The following AATK variants were observed in gnomAD, a reference collection of about 807,000 sequenced individuals.
AATK encodes lemur tail kinase 1.
Under a neutral mutation model 114.3 loss-of-function variants are expected in AATK, and 91 were observed. The observed-to-expected ratio is 0.80, with a 90% CI of 0.67 to 0.95. The LOEUF is 0.95. Ranked by LOEUF, AATK falls within the 40% of genes least tolerant of loss-of-function variation. The pLI is 0.00. For synonymous variants in AATK, 1,075 were observed against 916.5 expected, an observed-to-expected ratio of 1.17 and a Z score of -3.12; for missense variants, 2,176 against 1,965.2, an observed-to-expected ratio of 1.11 and a Z score of -2.03.
At chr17:81,143,180 GC>G (rs1482670069) in intron 1 of AATK, among the ~76,000 whole-genome samples, 1 of 151,998 alleles carries the variant, frequency 6.6e-6, no homozygotes, top group Non-Finnish European at 1.5e-5. Context: ...CAAGCCCTTG[GC>G]CACACCTGGC....
intron 1 of AATK, among the ~76,000 whole-genome samples, chr17:81,162,119 C>T (rs1395616096): frequency 6.6e-6 from 1 of 152,086 alleles, no homozygotes; most frequent in Non-Finnish European, 1.5e-5. Context: ...CCCGAGTGCC[C>T]GCACCCATGC....
chr17:81,141,476 C>T (rs2061137525), intron 1 of AATK, among the ~76,000 whole-genome samples: 1 of 152,198 alleles, frequency 6.6e-6, no homozygotes, highest in Admixed American at 6.5e-5. Context: ...AAGTGACTTT[C>T]AATTTCTGAC....
intron 7 of AATK, chr17:81,125,752 C>T: frequency 7.9e-6 from 3 of 378,072 alleles, no homozygotes; most frequent in South Asian, 5.9e-5. Context: ...CCACATAAAA[C>T]CCATGTCTGC....
chr17:81,165,632 A>G (rs769512849), intron 1 of AATK: 3 of 1,464,016 alleles, frequency 2.0e-6, no homozygotes, highest in Non-Finnish European at 2.7e-6. Context: ...GTCTGAGACC[A>G]ACTCTCCTGG....
chr17:81,130,126 T>C (rs2060907030), intron 3 of AATK, among the ~76,000 whole-genome samples: 1 of 152,144 alleles, frequency 6.6e-6, no homozygotes, highest in African/African-American at 2.4e-5. Flanking sequence ...GCAGGTGAGG[T>C]GGCCTGCATG....
chr17:81,132,702 AG>A, intron 2 of AATK: 1 of 325,286 alleles, frequency 3.1e-6, no homozygotes. Context: ...GCGTGCAATC[AG>A]GTAGCACAGG....
intron 8 of AATK, 28 bp from the exon 9 acceptor site, chr17:81,124,876 G>A (rs771723044): frequency 3.8e-6 from 6 of 1,581,474 alleles, no homozygotes; most frequent in Non-Finnish European, 5.2e-6. Flanking sequence ...GGTCACCCCT[G>A]CCGGCGCAGG....
intron 1 of AATK, among the ~76,000 whole-genome samples, chr17:81,137,232 TG>T (rs1226539587): frequency 1.3e-5 from 2 of 148,540 alleles, no homozygotes; most frequent in African/African-American, 5.0e-5. Flanking sequence ...CACTCCAGCC[TG>T]GGTGACAGAG....
chr17:81,158,732 C>T (rs868234560), intron 1 of AATK, among the ~76,000 whole-genome samples: 11 of 152,344 alleles, frequency 7.2e-5, no homozygotes, highest in South Asian at 2.1e-4. Flanking sequence ...TGACATCTTT[C>T]GCCACAGAAA....
rs1233171664 is a variant in AATK, at chr17:81,122,157, G to C, written c.1779C>G (p.His593Gln). The C allele has an allele frequency of 1.3e-6, 2 of 1,520,146 alleles. No homozygotes were observed. Among genetic ancestry groups the C allele is most frequent in the South Asian group, 1.2e-5 (1 of 83,298 alleles). 94.2% of individuals were successfully genotyped at this position (1,520,146 alleles called of 1,614,324 possible). ...PVDVPWGRGDHYPRRSLARDP... is the reference protein window; with the variant it reads ...PVDVPWGRGDQYPRRSLARDP... Reference sequence around the variant, plus strand: ...CCCGCGCCAAGCTTCTGCGAGGGTAGTGGTCGCCGCGGCCCCAGGGGACGT... The same window carrying C: ...CCCGCGCCAAGCTTCTGCGAGGGTACTGGTCGCCGCGGCCCCAGGGGACGT... Residue 593 changes from histidine (H) to glutamine (Q), a missense_variant, in exon 11 of 14, where the codon CAC (histidine) becomes CAG (glutamine). His to Gln is a conservative substitution (Grantham distance 24, BLOSUM62 0). Coordinates refer to ENST00000326724, the MANE Select transcript of AATK (RefSeq NM_001080395.3).
At chr17:81,145,562 G>C (rs528437501) in intron 1 of AATK, among the ~76,000 whole-genome samples, 1 of 151,612 alleles carries the variant, frequency 6.6e-6, no homozygotes, top group African/African-American at 2.4e-5. Context: ...ATGAAACCCC[G>C]TCTCTACTAA....
At chr17:81,134,596 G>C in intron 1 of AATK, 95 bp from the exon 2 acceptor site, 3 of 1,469,868 alleles carry the variant, frequency 2.0e-6, no homozygotes, top group Non-Finnish European at 2.8e-6. Context: ...TGGACTTGCT[G>C]CATTCCAGGC....
At position 81,124,941 on chromosome 17, in the gene AATK, A is replaced by G; in HGVS notation, c.829T>C (p.Cys277Arg). 1 of 1,569,120 alleles carries G rather than the reference A, an allele frequency of 6.4e-7. No individual in the cohort carries two copies. The highest frequency in any genetic ancestry group is 1.2e-5 in the South Asian group (1 of 85,000). ...VKIGDYGLAH[C>R]KYREDYFVTA... ...CCCACCCCACTCACTCTGTACTTGCAGTGAGCCAGGCCATAGTCACCAATC... is the reference window on the plus strand; with the variant it reads ...CCCACCCCACTCACTCTGTACTTGCGGTGAGCCAGGCCATAGTCACCAATC... Residue 277 changes from cysteine to arginine, a missense_variant, in exon 8 of 14, where the codon TGC (cysteine) becomes CGC (arginine). By Grantham distance (180) the Cys-to-Arg change is radical. Transcript: ENST00000326724.
rs1235653300 is a variant in AATK at position 81,127,830 on chromosome 17, C to T, written c.495G>A (p.Gln165=). Reference sequence around the variant, plus strand: ...CCTCCTCCAGGAACTGCATCTGCTCCTGCACGCTGGCACTAGCCTGCAGCT... The same window carrying T: ...CCTCCTCCAGGAACTGCATCTGCTCTTGCACGCTGGCACTAGCCTGCAGCT... ...VKELQASASV[Q]EQMQFLEEVQ... The change falls in exon 5 of 14, where the codon CAG becomes CAA. Residue 165 remains glutamine (Q), a synonymous_variant. Coordinates refer to ENST00000326724, the MANE Select transcript of AATK (RefSeq NM_001080395.3). The T allele has an allele frequency of 1.3e-6, 2 of 1,542,118 alleles. No individual in the cohort carries two copies. The highest frequency in any genetic ancestry group is 1.8e-6 in the Non-Finnish European group (2 of 1,140,704).
At chr17:81,151,877 G>C (rs1034501209) in intron 1 of AATK, among the ~76,000 whole-genome samples, 1 of 152,220 alleles carries the variant, frequency 6.6e-6, no homozygotes, top group Non-Finnish European at 1.5e-5. Context: ...CTTAATCATA[G>C]AAGAAGTGAA....
chr17:81,127,326 C>T (rs1029845426), intron 6 of AATK, among the ~76,000 whole-genome samples: 1 of 152,064 alleles, frequency 6.6e-6, no homozygotes. Context: ...AAGCAGGTGA[C>T]CAAGCAGCTG....
At position 81,144,517 on chromosome 17, in the gene AATK, G is replaced by A. The variant is rs555989339; in HGVS notation, c.56-10016C>T. Among the ~76,000 whole-genome samples the A allele has an allele frequency of 9.6e-4, 147 of 152,352 alleles. 3 individuals are homozygous for A. Among genetic ancestry groups the A allele is most frequent in the Middle Eastern group, 3.4e-3 (1 of 294 alleles). Reference sequence around the variant, plus strand: ...GGCCGCTGCAGCTGGGACAATGGAGGGGCAAGGGGGCCGGGCAGGGGGCCC... The same window carrying A: ...GGCCGCTGCAGCTGGGACAATGGAGAGGCAAGGGGGCCGGGCAGGGGGCCC... On this transcript the variant is annotated intron_variant, in intron 1 of 13. Transcript: ENST00000326724.
At chr17:81,130,482 C>G (rs1052811669) in intron 3 of AATK, among the ~76,000 whole-genome samples, 1 of 152,188 alleles carries the variant, frequency 6.6e-6, no homozygotes, top group African/African-American at 2.4e-5. Flanking sequence ...TGCACCTGCA[C>G]TCCTGGGTCA....
chr17:81,118,078 G>C lies in AATK; in HGVS notation c.*324C>G, dbSNP rs1284317611. ...GGCCAGGCAGGCAGGGCAGAGGGTG[G>C]GGGCCGCCGTGCCCAGGGGCACTGG... On this transcript the variant is annotated 3_prime_UTR_variant, in exon 14 of 14. Coordinates refer to ENST00000326724, the MANE Select transcript of AATK (RefSeq NM_001080395.3). 1 of 295,488 alleles carries C rather than the reference G, an allele frequency of 3.4e-6. No homozygotes were observed. 18.3% of individuals were successfully genotyped at this position (295,488 alleles called of 1,614,324 possible).
Sources: allele counts gnomAD v4.1 joint callset (sites outside exome capture counted in the v4.1 genomes callset), GRCh38; gene constraint gnomAD v4.1.1; transcripts MANE v1.5; gene names NCBI Gene and HGNC (gene_info 2026-07-23, HGNC 2026-07-21).